Variants in ZDHHC19 observed in about 807,000 individuals in gnomAD.
ZDHHC19 encodes palmitoyltransferase ZDHHC19.
A neutral mutation model predicts 33.9 loss-of-function variants in ZDHHC19; 30 were observed. That is an observed-to-expected ratio of 0.88 (90% CI 0.66 to 1.20). The LOEUF is 1.20. Among genes scored for constraint, ZDHHC19 ranks in the 50% most tolerant of loss-of-function variants. The pLI is 0.00. For missense variants in ZDHHC19, 364 were observed against 401.1 expected (o/e 0.91, Z 0.79); for synonymous variants, 178 against 167.6 (o/e 1.06, Z -0.48).
intron 4 of ZDHHC19, among the ~76,000 whole-genome samples, chr3:196,207,998 G>C (rs1025219838): frequency 7.3e-5 from 11 of 150,828 alleles, no homozygotes; most frequent in Non-Finnish European, 8.9e-5. Context: ...CTCCCTCCCC[G>C]GTTCAAGCGG....
At chr3:196,208,343 T>G (rs1560139622) in intron 4 of ZDHHC19, 45 bp downstream of exon 4, 19 of 1,550,444 alleles carry the variant, frequency 1.2e-5, no homozygotes, top group Non-Finnish European at 1.6e-5. Context: ...GCCCCCTCCT[T>G]GGCTGTCCCC....
intron 2 of ZDHHC19, among the ~76,000 whole-genome samples, 152 bp downstream of exon 2, chr3:196,210,460 GAAGA>G (rs939267203): frequency 1.1e-5 from 1 of 87,664 alleles, no homozygotes; most frequent in South Asian, 3.6e-4. Context: ...AAAGAGAAGA[GAAGA>G]AAGAGTGAGC....
At chr3:196,204,995 A>T (rs1355534625) in intron 5 of ZDHHC19, among the ~76,000 whole-genome samples, 1 of 152,076 alleles carries the variant, frequency 6.6e-6, no homozygotes, top group Non-Finnish European at 1.5e-5. Flanking sequence ...TGTCTTAGCT[A>T]CCTGGGAGGC....
At position 196,198,521 on chromosome 3, in the gene ZDHHC19, T is replaced by G. The variant is rs749719410; in HGVS notation, c.774-70A>C. Reference sequence around the variant, plus strand: ...TCCGGCTCCCCTGCCCGCCTCAGCTTGGGAAGCACACGGCCCAGGGCTTAG... The same window carrying G: ...TCCGGCTCCCCTGCCCGCCTCAGCTGGGGAAGCACACGGCCCAGGGCTTAG... On this transcript the variant is annotated intron_variant, in intron 6 of 7. Transcript: ENST00000296326. The G allele has an allele frequency of 1.4e-5, 22 of 1,586,650 alleles. 1 individual carries two copies. In the South Asian group the frequency reaches 2.5e-4, roughly 18 times the overall value.
At chr3:196,201,789 G>C (rs1231129897) in intron 5 of ZDHHC19, among the ~76,000 whole-genome samples, 1 of 152,094 alleles carries the variant, frequency 6.6e-6, no homozygotes, top group Non-Finnish European at 1.5e-5. Context: ...ACTGTCTCCA[G>C]ACCTGGGGCT....
Position 196,197,750 on chromosome 3 carries a change from T to C in ZDHHC19, c.*20-25A>G, listed in dbSNP as rs1221815676. 2 of 152,298 alleles carry C rather than the reference T, an allele frequency of 1.3e-5. No individual in the cohort carries two copies. Among genetic ancestry groups the C allele is most frequent in the Non-Finnish European group, 2.9e-5 (2 of 68,178 alleles). 9.4% of individuals were successfully genotyped at this position (152,298 alleles called of 1,614,324 possible). The stretch of plus-strand genomic sequence containing the variant: ...ACTAAACACAGAACAGGGGCATGAG[T>C]GCTCTCAACAAGACCCCGCCCCGCA... On this transcript the variant is annotated intron_variant, in intron 7 of 7. Transcript: ENST00000296326. This position sits in a 1 kb window ranked among gnomAD's most constrained non-coding sequence, Gnocchi z 4.4.
At chr3:196,200,466 T>C (rs1213294636) in intron 5 of ZDHHC19, among the ~76,000 whole-genome samples, 2 of 148,548 alleles carry the variant, frequency 1.3e-5, no homozygotes, top group Non-Finnish European at 3.0e-5. Context: ...GCCATTCTCC[T>C]GCCTCAGCCT....
chr3:196,208,754 A>C (rs1348191894), intron 3 of ZDHHC19, 194 bp from the exon 4 acceptor site: 1 of 632,292 alleles, frequency 1.6e-6, no homozygotes, highest in Non-Finnish European at 2.7e-6. Flanking sequence ...CACAGTTAGG[A>C]CTCTGGTATA....
chr3:196,211,057 T>C (rs1315187904), intron 1 of ZDHHC19, 113 bp downstream of exon 1: 30 of 1,537,244 alleles, frequency 2.0e-5, no homozygotes, highest in Non-Finnish European at 2.6e-5. Context: ...GAATATCCCC[T>C]TTTCCCTGAC....
chr3:196,199,147 T>C (rs1179637600), intron 5 of ZDHHC19, among the ~76,000 whole-genome samples: 4 of 152,248 alleles, frequency 2.6e-5, no homozygotes, highest in Admixed American at 2.6e-4. Flanking sequence ...CGTATTTCCC[T>C]AACCATGATC....
chr3:196,204,898 G>A lies in ZDHHC19; in HGVS notation c.687+2500C>T, dbSNP rs12634528. Reference sequence around the variant, plus strand: ...GAGGCAGGCAGATCACTTGAGGTCAGGAGTTCCAGACCAGCCTGGCCAACA... The same window carrying A: ...GAGGCAGGCAGATCACTTGAGGTCAAGAGTTCCAGACCAGCCTGGCCAACA... On this transcript the variant is annotated intron_variant, in intron 5 of 7. Coordinates refer to ENST00000296326, the MANE Select transcript of ZDHHC19 (RefSeq NM_001039617.2). Among the ~76,000 whole-genome samples the A allele has an allele frequency of 1.1e-4, 17 of 152,314 alleles. No individual in the cohort carries two copies. The East Asian group carries it at 3.1e-3, about 28-fold the overall frequency.
chr3:196,208,407 A>G lies in ZDHHC19; in HGVS notation c.562T>C (p.Ser188Pro). The G allele has an allele frequency of 6.2e-7, 1 of 1,612,218 alleles. No homozygotes were observed. Among genetic ancestry groups the G allele is most frequent in the South Asian group, 1.1e-5 (1 of 91,048 alleles). ...FLVRTTHLPF[S>P]TDKAIAIVVA... is the part of the protein sequence containing the mutation. ...GGATACGCGATGGCCTTGTCGGTGG[A>G]GAAGGGCAGGTGGGTTGTGCGCACC... is the stretch of plus-strand genomic sequence containing the variant. Residue 188 changes from serine to proline, a missense_variant, in exon 4 of 8, where the codon TCC becomes CCC. Physicochemically the swap from Ser to Pro is moderately conservative, Grantham distance 74. Transcript: ENST00000296326.
chr3:196,210,268 G>GAGAGAGAAAGAAAGAA (rs1723123651), intron 2 of ZDHHC19, among the ~76,000 whole-genome samples: 1 of 119,172 alleles, frequency 8.4e-6, no homozygotes, highest in African/African-American at 3.2e-5. Flanking sequence ...AGAAAGAAAA[G>GAGAGAGAAAGAAAGAA]AGAAAGAAAG....
intron 5 of ZDHHC19, among the ~76,000 whole-genome samples, chr3:196,199,900 A>C (rs368365020): frequency 1.3e-5 from 2 of 151,918 alleles, no homozygotes; most frequent in Admixed American, 1.3e-4. Flanking sequence ...AGCCGAGATC[A>C]TGCCACTGCA....
intron 5 of ZDHHC19, among the ~76,000 whole-genome samples, chr3:196,202,075 T>C (rs900486085): frequency 1.3e-5 from 2 of 152,152 alleles, no homozygotes; most frequent in African/African-American, 4.8e-5. Context: ...TCCCAGCACT[T>C]TGGGAGGCCA....
Position 196,208,411 on chromosome 3 carries a change from G to C in ZDHHC19, c.558C>G (p.Pro186=), listed in dbSNP as rs1312703854. ...LIFLVRTTHL[P]FSTDKAIAIV... ...ACGCGATGGCCTTGTCGGTGGAGAA[G>C]GGCAGGTGGGTTGTGCGCACCAGGA... The change falls in exon 4 of 8, where the codon CCC becomes CCG. Residue 186 remains proline, a synonymous_variant. Coordinates refer to ENST00000296326, the MANE Select transcript of ZDHHC19 (RefSeq NM_001039617.2). 1 of 1,613,966 alleles carries C rather than the reference G, an allele frequency of 6.2e-7. No individual in the cohort carries two copies. Among genetic ancestry groups the C allele is most frequent in the Non-Finnish European group, 8.5e-7 (1 of 1,179,990 alleles).
intron 5 of ZDHHC19, among the ~76,000 whole-genome samples, 189 bp downstream of exon 5, chr3:196,207,209 A>C (rs979857715): frequency 1.3e-5 from 2 of 152,206 alleles, no homozygotes; most frequent in Non-Finnish European, 2.9e-5. Context: ...GTAGGCCCCC[A>C]GGAAGGACAG....
chr3:196,208,269 C>T, intron 4 of ZDHHC19, 119 bp downstream of exon 4: 2 of 646,740 alleles, frequency 3.1e-6, no homozygotes, highest in South Asian at 2.0e-5. Flanking sequence ...CTCACCTCGT[C>T]CCAGACTGGT....
At chr3:196,200,552 C>T (rs865998882) in intron 5 of ZDHHC19, among the ~76,000 whole-genome samples, 27 of 149,416 alleles carry the variant, frequency 1.8e-4, no homozygotes, top group African/African-American at 5.8e-4. Context: ...GACGGGGTTT[C>T]ACCGTGTTAG....
Sources: allele counts gnomAD v4.1 joint callset (sites outside exome capture counted in the v4.1 genomes callset), GRCh38; gene constraint gnomAD v4.1.1; non-coding constraint Gnocchi (gnomAD v3.1); transcripts MANE v1.5; gene names NCBI Gene and HGNC (gene_info 2026-07-23, HGNC 2026-07-21).